The following TMOD1 variants were observed in gnomAD, a reference collection of about 807,000 sequenced individuals.
TMOD1 encodes tropomodulin-1.
Under a neutral mutation model 40.6 loss-of-function variants are expected in TMOD1, and 17 were observed. The observed-to-expected ratio is 0.42, with a 90% CI of 0.29 to 0.63. The LOEUF is 0.63. Ranked by LOEUF, TMOD1 falls within the 20% of genes least tolerant of loss-of-function variation. The pLI, the probability that TMOD1 is intolerant of heterozygous loss-of-function variation, is 0.22. For synonymous variants in TMOD1, 181 were observed against 175.0 expected (o/e 1.03, Z -0.27); for missense variants, 391 against 447.6 (o/e 0.87, Z 1.14).
chr9:97,587,436 TC>T (rs1285918945), intron 8 of TMOD1, among the ~76,000 whole-genome samples: 1 of 152,230 alleles, frequency 6.6e-6, no homozygotes, highest in Non-Finnish European at 1.5e-5. Flanking sequence ...TAGTGATATC[TC>T]ATTGTGATTT....
chr9:97,578,072 T>C (rs1046064279), intron 8 of TMOD1, among the ~76,000 whole-genome samples: 1 of 152,132 alleles, frequency 6.6e-6, no homozygotes, highest in Non-Finnish European at 1.5e-5. Context: ...ATCTCTTTTT[T>C]TGGAGACAGA....
chr9:97,513,365 G>A lies in TMOD1; in HGVS notation c.-48-10776G>A, dbSNP rs1433628477. On this transcript the variant is annotated intron_variant, in intron 1 of 9. Transcript: ENST00000259365. The surrounding 1 kb of genome is among the most constrained non-coding windows in gnomAD (Gnocchi z 4.1). ...GAATCTCAGAGGCACAAAGTGGTATGCCTGAGGCTGCCCAGTCAGCTAGAG... is the reference window on the plus strand; with the variant it reads ...GAATCTCAGAGGCACAAAGTGGTATACCTGAGGCTGCCCAGTCAGCTAGAG... 6.6e-6 allele frequency: 1 copy of A among 152,306 alleles called. No homozygotes were observed. The highest frequency in any genetic ancestry group is 2.4e-5 in the African/African-American group (1 of 41,442). The allele number at this position is 152,306 out of a possible 1,614,324, so 9.4% of individuals were successfully genotyped here.
In TMOD1 at chr9:97,600,479, T is replaced by C; in HGVS notation, c.*781T>C. The C allele has an allele frequency of 1.0e-6, 1 of 985,706 alleles. No homozygotes were observed. Among genetic ancestry groups the C allele is most frequent in the Middle Eastern group, 5.2e-4 (1 of 1,914 alleles). The allele number at this position is 985,706 out of a possible 1,614,324, so 61.1% of individuals were successfully genotyped here. On this transcript the variant is annotated 3_prime_UTR_variant, in exon 10 of 10. Transcript: ENST00000259365. ...TTTTCCTTATTGAATGCCAACCTTA[T>C]GATGGATGTGAAAATCTACGGCCAA...
chr9:97,533,757 C>G lies in TMOD1; in HGVS notation c.120+9449C>G, dbSNP rs534503605. Among the ~76,000 whole-genome samples, 16 of 152,334 alleles carry G rather than the reference C, an allele frequency of 1.1e-4. No individual in the cohort carries two copies. In the South Asian group the frequency reaches 2.1e-3, roughly 20 times the overall value. ...AGAGCACCAGTGCCCCGTCTGTGGCCTCACAGCCCTGGGCTGAGAACCCAG... is the reference window on the plus strand; with the variant it reads ...AGAGCACCAGTGCCCCGTCTGTGGCGTCACAGCCCTGGGCTGAGAACCCAG... On this transcript the variant is annotated intron_variant, in intron 2 of 9. Coordinates refer to ENST00000259365, the MANE Select transcript of TMOD1 (RefSeq NM_003275.4).
chr9:97,543,026 A>C (rs966249633), intron 2 of TMOD1, among the ~76,000 whole-genome samples: 27 of 152,314 alleles, frequency 1.8e-4, no homozygotes, highest in African/African-American at 6.5e-4. Context: ...TCCAGCCCAG[A>C]ATGTCAGTTG....
intron 4 of TMOD1, among the ~76,000 whole-genome samples, chr9:97,559,541 G>A (rs1830585125): frequency 6.6e-6 from 1 of 151,428 alleles, no homozygotes; most frequent in Non-Finnish European, 1.5e-5. Context: ...AAGACAGGCG[G>A]GTTACTTGAG....
At chr9:97,536,739 T>C (rs902446358) in intron 2 of TMOD1, among the ~76,000 whole-genome samples, 3 of 152,178 alleles carry the variant, frequency 2.0e-5, no homozygotes, top group African/African-American at 7.2e-5. Context: ...CCTTGGCTTC[T>C]TCCAATCCCT....
In TMOD1 at chr9:97,508,057, TCACACACACACA is replaced by T. The variant is rs56669574; in HGVS notation, c.-49+6291_-49+6302del. Among the ~76,000 whole-genome samples the T allele has an allele frequency of 1.9e-3, 246 of 132,074 alleles. 1 individual carries two copies. Among genetic ancestry groups the T allele is most frequent in the East Asian group, 0.011 (48 of 4,418 alleles). 86.6% of individuals were successfully genotyped at this position (132,074 alleles called of 152,430 possible). On this transcript the variant is annotated intron_variant, in intron 1 of 9. Transcript: ENST00000259365. ...ATGAAACACAATCTATCTTCCTGATTCACACACACACACACACACACACACACACACACACAC... is the reference window on the plus strand; with the variant it reads ...ATGAAACACAATCTATCTTCCTGATTCACACACACACACACACACACACAC...
rs1385925672 is a variant in TMOD1, at chr9:97,513,490, C to T, written c.-48-10651C>T. 6.6e-6 allele frequency among the ~76,000 whole-genome samples: 1 copy of T among 152,172 alleles called. No homozygotes were observed. The highest frequency in any genetic ancestry group is 6.5e-5 in the Admixed American group (1 of 15,278). On this transcript the variant is annotated intron_variant, in intron 1 of 9. Transcript: ENST00000259365. This position sits in a 1 kb window ranked among gnomAD's most constrained non-coding sequence, Gnocchi z 4.1. ...GATGGGGCCTCACCTGTAAAGGAAA[C>T]TAAGGGCCCAGGGCATCTGTTCTGC... is the stretch of plus-strand genomic sequence containing the variant.
intron 1 of TMOD1, among the ~76,000 whole-genome samples, chr9:97,517,306 T>A (rs528716420): frequency 1.3e-4 from 19 of 151,772 alleles, no homozygotes; most frequent in African/African-American, 4.4e-4. Flanking sequence ...GCTATGATTA[T>A]ATCACTACAC....
At chr9:97,570,675 C>G (rs920280954) in intron 8 of TMOD1, among the ~76,000 whole-genome samples, 1 of 152,194 alleles carries the variant, frequency 6.6e-6, no homozygotes, top group African/African-American at 2.4e-5. Context: ...GAAGCTGGTG[C>G]TATGTCTGAG....
At chr9:97,559,825 G>GTCTATCTA (rs1323477218) in intron 4 of TMOD1, among the ~76,000 whole-genome samples, 11 of 10,510 alleles carry the variant, frequency 1.0e-3, no homozygotes, top group African/African-American at 2.4e-3. Context: ...ATATATATAT[G>GTCTATCTA]TCTATCTATC....
intron 4 of TMOD1, among the ~76,000 whole-genome samples, chr9:97,560,003 G>A (rs1187599353): frequency 6.6e-6 from 1 of 151,172 alleles, no homozygotes; most frequent in African/African-American, 2.4e-5. Flanking sequence ...CTAGACAGGG[G>A]AGGAGAACTG....
Position 97,601,503 on chromosome 9 carries a change from G to C in TMOD1, c.*1805G>C, listed in dbSNP as rs972879874. On this transcript the variant is annotated 3_prime_UTR_variant, in exon 10 of 10. Transcript: ENST00000259365. ...GAGCTATCAGAGGAAATCTCTCATA[G>C]AAACGAAACCAAACCAACAGAAAAT... 8 of 989,496 alleles carry C rather than the reference G, an allele frequency of 8.1e-6. No individual in the cohort carries two copies. The highest frequency in any genetic ancestry group is 9.6e-6 in the Non-Finnish European group (8 of 832,398). The allele number at this position is 989,496 out of a possible 1,614,324, so 61.3% of individuals were successfully genotyped here.
At position 97,501,810 on chromosome 9, in the gene TMOD1, C is replaced by A. The variant is rs1829505834; in HGVS notation, c.-49+7C>A. On this transcript the variant is annotated splice_region_variant and intron_variant, in intron 1 of 9. Transcript: ENST00000259365. ...CCCACAGCTCTGCGTCCGGGTAAGC[C>A]CCCACCCCGCCTGGGGTCCCCCTCG... The A allele has an allele frequency of 6.5e-6, 1 of 152,738 alleles. No individual in the cohort carries two copies. Among genetic ancestry groups the A allele is most frequent in the Admixed American group, 6.6e-5 (1 of 15,250 alleles). The allele number at this position is 152,738 out of a possible 1,614,324, so 9.5% of individuals were successfully genotyped here. A position where few individuals can be genotyped will look rare whatever the true frequency, so the allele number is the denominator to read the frequency against.
chr9:97,519,303 C>T (rs1829878827), intron 1 of TMOD1, among the ~76,000 whole-genome samples: 1 of 152,206 alleles, frequency 6.6e-6, no homozygotes, highest in Admixed American at 6.5e-5. Context: ...TACTTCCTGG[C>T]ACAGCTTGTA....
At chr9:97,586,774 GC>G (rs1329691248) in intron 8 of TMOD1, among the ~76,000 whole-genome samples, 2 of 152,160 alleles carry the variant, frequency 1.3e-5, no homozygotes, top group Non-Finnish European at 2.9e-5. Flanking sequence ...TTTTCCAGGT[GC>G]CGTCCGTCAC....
chr9:97,580,194 G>A (rs935228421), intron 8 of TMOD1, among the ~76,000 whole-genome samples: 1 of 152,162 alleles, frequency 6.6e-6, no homozygotes. Flanking sequence ...TCTTGGCAGT[G>A]GGGAGCCATT....
intron 8 of TMOD1, among the ~76,000 whole-genome samples, chr9:97,585,145 G>C (rs984461272): frequency 2.0e-5 from 3 of 152,194 alleles, no homozygotes; most frequent in Non-Finnish European, 4.4e-5. Context: ...GCTGGTACCA[G>C]TTGTTCCTTT....
Sources: gnomAD v4.1 joint callset for allele counts (sites outside exome capture counted in the v4.1 genomes callset) on GRCh38, gnomAD v4.1.1 for gene constraint, Gnocchi (gnomAD v3.1) non-coding constraint, MANE v1.5 for transcripts, NCBI Gene and HGNC (gene_info 2026-07-23, HGNC 2026-07-21) for gene names.